The following JAZF1 variants were observed in gnomAD, a reference collection of about 807,000 sequenced individuals.
JAZF1 encodes juxtaposed with another zinc finger protein 1.
In JAZF1, 8 loss-of-function variants were observed where a neutral mutation model predicts 26.4. The observed-to-expected ratio is 0.30, with a 90% CI of 0.18 to 0.55. JAZF1 has a LOEUF of 0.55. JAZF1 is among the 20% of genes least tolerant of loss of function. The pLI, the probability that JAZF1 is intolerant of heterozygous loss-of-function variation, is 0.94. For synonymous variants in JAZF1, 126 were observed against 122.3 expected, an observed-to-expected ratio of 1.03 and a Z score of -0.20; for missense variants, 199 against 322.0, an observed-to-expected ratio of 0.62 and a Z score of 2.92.
chr7:27,930,912 T>C (rs886483162), intron 2 of JAZF1, among the ~76,000 whole-genome samples: 5 of 152,190 alleles, frequency 3.3e-5, no homozygotes, highest in Non-Finnish European at 7.3e-5. Flanking sequence ...TGGTATTATA[T>C]GACCAGTAAT....
intron 2 of JAZF1, among the ~76,000 whole-genome samples, chr7:27,967,929 C>T (rs1416880687): frequency 6.6e-6 from 1 of 152,200 alleles, no homozygotes; most frequent in Admixed American, 6.5e-5. Context: ...TTTCTACTAG[C>T]TAAACACACA....
chr7:28,006,730 G>A (rs1782708234), intron 1 of JAZF1, among the ~76,000 whole-genome samples: 1 of 152,168 alleles, frequency 6.6e-6, no homozygotes, highest in African/African-American at 2.4e-5. Context: ...TGACTTCAAA[G>A]TATGTGCTAT....
intron 1 of JAZF1, among the ~76,000 whole-genome samples, chr7:28,053,630 T>C (rs1477882864): frequency 6.6e-6 from 1 of 152,226 alleles, no homozygotes; most frequent in Non-Finnish European, 1.5e-5. Flanking sequence ...CTCCTATTAA[T>C]GGCAAAAAGT....
chr7:27,946,770 T>C (rs1397545269), intron 2 of JAZF1, among the ~76,000 whole-genome samples: 1 of 152,202 alleles, frequency 6.6e-6, no homozygotes, highest in East Asian at 1.9e-4. Context: ...CAAACACAGA[T>C]TTATACACAG....
intron 3 of JAZF1, among the ~76,000 whole-genome samples, chr7:27,851,191 C>T (rs1427074924): frequency 6.6e-6 from 1 of 152,212 alleles, no homozygotes; most frequent in Admixed American, 6.5e-5. Context: ...GATCCACCCG[C>T]CTCGGCCTCC....
In JAZF1 at chr7:27,921,131, G is replaced by A. The variant is rs1325863621; in HGVS notation, c.189-25715C>T. ...GTTTCAATAATTAAATGCCTTTTTG[G>A]TGGACTCCTGCTGCTATGTGAACTA... On this transcript the variant is annotated intron_variant, in intron 2 of 4. Transcript: ENST00000283928. Among the ~76,000 whole-genome samples the A allele has an allele frequency of 2.0e-5, 3 of 152,070 alleles. No individual in the cohort carries two copies. The East Asian group carries it at 5.8e-4, about 29-fold the overall frequency.
chr7:28,141,194 T>G (rs1418777179), intron 1 of JAZF1, among the ~76,000 whole-genome samples: 2 of 60,826 alleles, frequency 3.3e-5, no homozygotes, highest in African/African-American at 1.7e-4. Flanking sequence ...CAGACACAAC[T>G]CAGAGAACAT....
chr7:27,972,108 C>A (rs543492489), intron 2 of JAZF1, among the ~76,000 whole-genome samples: 61 of 152,236 alleles, frequency 4.0e-4, no homozygotes, highest in African/African-American at 1.4e-3. Context: ...CCCCATGGAG[C>A]CCAGATTCCT....
At chr7:27,886,820 A>G (rs1158966632) in intron 3 of JAZF1, among the ~76,000 whole-genome samples, 1 of 151,496 alleles carries the variant, frequency 6.6e-6, no homozygotes, top group Admixed American at 6.6e-5. Flanking sequence ...TTGCAGCACT[A>G]TTCACGATAG....
intron 1 of JAZF1, among the ~76,000 whole-genome samples, chr7:28,062,638 C>T (rs1334888222): frequency 1.3e-5 from 2 of 152,122 alleles, no homozygotes. Context: ...ACTTCTGTGA[C>T]ATCACAGGGA....
At chr7:28,121,414 C>G (rs10951192) in intron 1 of JAZF1, among the ~76,000 whole-genome samples, 48,865 of 152,000 alleles carry the variant, frequency 0.32, 9,232 homozygotes, top group East Asian at 0.74. Flanking sequence ...TTGAAACAGG[C>G]TGGTAGAGTC....
chr7:28,003,575 A>G (rs747412853), intron 1 of JAZF1, among the ~76,000 whole-genome samples: 14 of 152,186 alleles, frequency 9.2e-5, no homozygotes, highest in Non-Finnish European at 1.8e-4. Context: ...CCATCACCCA[A>G]TACTACATGT....
intron 1 of JAZF1, among the ~76,000 whole-genome samples, chr7:28,058,670 G>GT (rs746646526): frequency 5.3e-5 from 8 of 152,104 alleles, no homozygotes; most frequent in Admixed American, 1.3e-4. Context: ...TAGATTCTAT[G>GT]TATTTTCATT....
intron 3 of JAZF1, among the ~76,000 whole-genome samples, chr7:27,848,279 C>T (rs1783065066): frequency 6.6e-6 from 1 of 152,166 alleles, no homozygotes; most frequent in Non-Finnish European, 1.5e-5. Context: ...TTCACCTCCT[C>T]ATTAAATTTA....
intron 1 of JAZF1, among the ~76,000 whole-genome samples, chr7:28,075,176 A>C (rs933374733): frequency 6.6e-6 from 1 of 152,214 alleles, no homozygotes; most frequent in Non-Finnish European, 1.5e-5. Flanking sequence ...ATCCTCGGGT[A>C]TAAAGTAAGT....
intron 3 of JAZF1, among the ~76,000 whole-genome samples, chr7:27,848,559 G>A (rs1034219640): frequency 3.9e-5 from 6 of 152,198 alleles, no homozygotes; most frequent in African/African-American, 1.2e-4. Context: ...AGGATCCACC[G>A]GCTGTGACAC....
intron 2 of JAZF1, among the ~76,000 whole-genome samples, chr7:27,987,913 C>T (rs1324706306): frequency 6.6e-6 from 1 of 152,162 alleles, no homozygotes; most frequent in African/African-American, 2.4e-5. Context: ...CTCTGAAACA[C>T]GTGCTGTGTC....
At chr7:28,019,772 T>TAA in intron 1 of JAZF1, among the ~76,000 whole-genome samples, 1 of 152,122 alleles carries the variant, frequency 6.6e-6, no homozygotes. Flanking sequence ...GACTCCTCCT[T>TAA]GCTTTATGAT....
chr7:28,149,692 G>T (rs550452878), intron 1 of JAZF1, among the ~76,000 whole-genome samples: 13 of 152,176 alleles, frequency 8.5e-5, no homozygotes, highest in Admixed American at 2.6e-4. Context: ...TTGAATCAGT[G>T]GGGGGAAAGG....
Sources: gnomAD v4.1 joint callset for allele counts (sites outside exome capture counted in the v4.1 genomes callset) on GRCh38, gnomAD v4.1.1 for gene constraint, MANE v1.5 for transcripts, NCBI Gene and HGNC (gene_info 2026-07-23, HGNC 2026-07-21) for gene names.